The following PKHD1 variants were observed in gnomAD, a reference collection of about 807,000 sequenced individuals.
The protein encoded by PKHD1 is PKHD1 ciliary IPT domain containing fibrocystin/polyductin, also known as fibrocystin.
A neutral mutation model predicts 412.0 loss-of-function variants in PKHD1; 291 were observed. That is an observed-to-expected ratio of 0.71 (90% CI 0.64 to 0.78). The LOEUF (loss-of-function observed/expected upper bound fraction) is 0.78, where lower values mean the gene tolerates loss of function less well. PKHD1 is among the 30% of genes least tolerant of loss of function. The pLI is 0.00. For missense variants in PKHD1, 4,825 were observed against 4,950.7 expected (o/e 0.97, Z 0.76); for synonymous variants, 1,777 against 1,821.5 (o/e 0.98, Z 0.62).
intron 46 of PKHD1, among the ~76,000 whole-genome samples, chr6:51,881,941 T>A (rs976125180): frequency 3.3e-5 from 5 of 152,110 alleles, no homozygotes; most frequent in African/African-American, 1.2e-4. Context: ...ACCCCAAGGG[T>A]GTGATTATTT....
chr6:51,796,103 T>A (rs770618295), intron 52 of PKHD1, among the ~76,000 whole-genome samples: 1 of 152,224 alleles, frequency 6.6e-6, no homozygotes, highest in Non-Finnish European at 1.5e-5. Context: ...TCCTTGTAAC[T>A]CTGGTAGAAT....
chr6:51,688,248 G>C (rs371217117), intron 60 of PKHD1, among the ~76,000 whole-genome samples: 1 of 152,138 alleles, frequency 6.6e-6, no homozygotes, highest in East Asian at 1.9e-4. Flanking sequence ...AAAATGCCTT[G>C]GTTTGTTAAA....
rs17577001 is a variant in PKHD1 at position 52,073,269 on chromosome 6, A to G, written c.527+194T>C. On this transcript the variant is annotated intron_variant, in intron 7 of 66. Coordinates refer to ENST00000371117, the MANE Select transcript of PKHD1 (RefSeq NM_138694.4). ...CTAGTTGTCAGTAAATAAATGGACC[A>G]ACTTAATTGACCAGTTGCAATTACA... Among the ~76,000 whole-genome samples the G allele has an allele frequency of 0.026, 3,908 of 152,316 alleles. 80 individuals are homozygous for G. Among genetic ancestry groups the G allele is most frequent in the South Asian group, 0.084 (404 of 4,826 alleles).
At chr6:51,640,352 T>C (rs151132910) in intron 63 of PKHD1, among the ~76,000 whole-genome samples, 2,655 of 152,326 alleles carry the variant, frequency 0.017, 38 homozygotes, top group Non-Finnish European at 0.027. Flanking sequence ...TTGCGTTAAA[T>C]ACCAGCTTGC....
At chr6:52,024,483 A>C (rs1051906817) in intron 32 of PKHD1, 91 bp downstream of exon 32, 16 of 1,206,618 alleles carry the variant, frequency 1.3e-5, no homozygotes, top group Non-Finnish European at 1.7e-5. Flanking sequence ...TCCATCAGGC[A>C]GATTGTGTTA....
intron 60 of PKHD1, among the ~76,000 whole-genome samples, chr6:51,700,271 T>C (rs568603929): frequency 1.3e-3 from 192 of 152,132 alleles, no homozygotes; most frequent in African/African-American, 4.3e-3. Flanking sequence ...GAATGAGAAC[T>C]ATGAAAGGTA....
chr6:51,669,271 T>G (rs977325950), intron 60 of PKHD1, among the ~76,000 whole-genome samples: 8 of 152,222 alleles, frequency 5.3e-5, no homozygotes, highest in Admixed American at 2.6e-4. Flanking sequence ...TGGTATAGTC[T>G]TGGGAGAGTG....
At chr6:51,924,218 A>T (rs750387470) in intron 37 of PKHD1, among the ~76,000 whole-genome samples, 21 of 152,288 alleles carry the variant, frequency 1.4e-4, no homozygotes, top group Non-Finnish European at 2.6e-4. Context: ...AGGAAAAATC[A>T]CAAGCTTCTG....
intron 63 of PKHD1, among the ~76,000 whole-genome samples, chr6:51,647,260 G>C (rs900543518): frequency 6.6e-6 from 1 of 152,108 alleles, no homozygotes; most frequent in African/African-American, 2.4e-5. Flanking sequence ...TGTGTGAGAG[G>C]GTTAAATAGG....
At chr6:51,946,278 T>G (rs749402720) in intron 36 of PKHD1, among the ~76,000 whole-genome samples, 45 of 152,324 alleles carry the variant, frequency 3.0e-4, no homozygotes, top group South Asian at 6.2e-4. Context: ...CATTAACTCC[T>G]GCTAAAAAGC....
intron 60 of PKHD1, among the ~76,000 whole-genome samples, chr6:51,665,228 T>C (rs1425694636): frequency 1.3e-5 from 2 of 152,138 alleles, no homozygotes; most frequent in Admixed American, 1.3e-4. Context: ...GTGACAGATA[T>C]ACTTTTTCTA....
At chr6:51,668,079 GAAGA>G (rs1774170752) in intron 60 of PKHD1, among the ~76,000 whole-genome samples, 1 of 152,126 alleles carries the variant, frequency 6.6e-6, no homozygotes, top group Non-Finnish European at 1.5e-5. Flanking sequence ...CCAATTCTGT[GAAGA>G]AAGTCATTGG....
intron 35 of PKHD1, among the ~76,000 whole-genome samples, chr6:51,989,919 G>A (rs982491779): frequency 3.1e-4 from 29 of 93,954 alleles, no homozygotes; most frequent in African/African-American, 5.8e-4. Context: ...AAGGAAGGAA[G>A]GAAGGAAGGA....
At chr6:51,973,522 T>C (rs1328625961) in intron 35 of PKHD1, among the ~76,000 whole-genome samples, 1 of 152,172 alleles carries the variant, frequency 6.6e-6, no homozygotes, top group African/African-American at 2.4e-5. Context: ...GCACAGTTTT[T>C]TCCCAGGAAG....
chr6:51,855,211 T>C (rs1487772558), intron 49 of PKHD1, among the ~76,000 whole-genome samples: 1 of 152,212 alleles, frequency 6.6e-6, no homozygotes, highest in Non-Finnish European at 1.5e-5. Context: ...CACACTGCTC[T>C]TCCTTCTCTC....
At chr6:52,076,619 T>C (rs1183663697) in intron 5 of PKHD1, among the ~76,000 whole-genome samples, 13 of 152,248 alleles carry the variant, frequency 8.5e-5, no homozygotes, top group African/African-American at 2.9e-4. Flanking sequence ...AGCCTGTTTC[T>C]ACCTGCCCAC....
chr6:51,687,905 TACTC>T (rs10599167), intron 60 of PKHD1, among the ~76,000 whole-genome samples: 18,833 of 152,204 alleles, frequency 0.12, 1,691 homozygotes, highest in East Asian at 0.31. Context: ...TGTGGATTAA[TACTC>T]AGTATCAGAT....
chr6:51,838,214 T>A (rs788506), intron 50 of PKHD1, among the ~76,000 whole-genome samples: 101,053 of 152,148 alleles, frequency 0.66, 33,938 homozygotes, highest in East Asian at 0.92. Context: ...ATTTAAGATT[T>A]CATCAATAAT....
At position 51,826,167 on chromosome 6, in the gene PKHD1, A is replaced by T. The variant is rs12524977; in HGVS notation, c.8302+4694T>A. Among the ~76,000 whole-genome samples, 147 of 152,232 alleles carry T rather than the reference A, an allele frequency of 9.7e-4. 3 individuals are homozygous for T. Among genetic ancestry groups the T allele is most frequent in the African/African-American group, 3.1e-3 (130 of 41,544 alleles). On this transcript the variant is annotated intron_variant, in intron 52 of 66. Transcript: ENST00000371117. ...TCACCAACCTATTATGATCTTTTGC[A>T]ATTTAACAAGGAGGTGCATTACATA...
Sources: gnomAD v4.1 joint callset for allele counts (sites outside exome capture counted in the v4.1 genomes callset) on GRCh38, gnomAD v4.1.1 for gene constraint, MANE v1.5 for transcripts, NCBI Gene and HGNC (gene_info 2026-07-23, HGNC 2026-07-21) for gene names.